Variants in TDRD10 observed in about 807,000 individuals in gnomAD.
TDRD10 encodes the protein tudor domain-containing protein 10.
A neutral mutation model predicts 48.0 loss-of-function variants in TDRD10; 40 were observed. The ratio of observed to expected loss-of-function variants is 0.83; its 90% CI spans 0.65 to 1.09. The LOEUF (loss-of-function observed/expected upper bound fraction) is 1.09, where lower values mean the gene tolerates loss of function less well. Among genes scored for constraint, TDRD10 ranks in the 50% least tolerant of loss-of-function variants. TDRD10 has a pLI of 0.00. For missense variants in TDRD10, 378 were observed against 434.7 expected (o/e 0.87, Z 1.16); for synonymous variants, 162 against 170.4 (o/e 0.95, Z 0.38).
chr1:154,519,784 G>GC (rs1294810457), intron 4 of TDRD10, among the ~76,000 whole-genome samples: 3 of 152,082 alleles, frequency 2.0e-5, no homozygotes, highest in Non-Finnish European at 4.4e-5. Context: ...ACCAACCCAA[G>GC]CCCGCGGAGC....
Position 154,511,625 on chromosome 1 carries a change from A to G in TDRD10, c.141+3144A>G, listed in dbSNP as rs903276457. Among the ~76,000 whole-genome samples the G allele has an allele frequency of 4.6e-5, 7 of 151,886 alleles. No homozygotes were observed. In the East Asian group the frequency reaches 5.8e-4, roughly 13 times the overall value. On this transcript the variant is annotated intron_variant, in intron 4 of 12. Coordinates refer to ENST00000368482, the MANE Select transcript of TDRD10 (RefSeq NM_182499.4). ...AGCACTTTGGGAGGCTGAGGTGGGC[A>G]GATCACAAGGTCAGGAGTTCGAGAC...
At chr1:154,508,009 C>T (rs11577167) in intron 3 of TDRD10, among the ~76,000 whole-genome samples, 3,012 of 152,268 alleles carry the variant, frequency 0.02, 49 homozygotes, top group Middle Eastern at 0.048. Flanking sequence ...TCGTTGAAAG[C>T]GCTGGATTCC....
intron 2 of TDRD10, 72 bp downstream of exon 2, chr1:154,506,977 C>T (rs1557811681): frequency 1.2e-6 from 2 of 1,613,762 alleles, no homozygotes; most frequent in East Asian, 2.2e-5. Context: ...CCATTCCTGT[C>T]TCACCATGCC....
At chr1:154,543,241 G>T (rs1383558233) in intron 8 of TDRD10, among the ~76,000 whole-genome samples, 1 of 151,660 alleles carries the variant, frequency 6.6e-6, no homozygotes, top group East Asian at 1.9e-4. Flanking sequence ...TGCCACTGCA[G>T]TCCAGCCTGA....
intron 6 of TDRD10, among the ~76,000 whole-genome samples, chr1:154,537,500 G>T (rs1694983443): frequency 1.3e-5 from 2 of 152,312 alleles, no homozygotes; most frequent in South Asian, 2.1e-4. Flanking sequence ...ACCAGGATGG[G>T]CCCCTCAGGT....
At chr1:154,538,550 CAAAAA>C (rs59257227) in intron 6 of TDRD10, among the ~76,000 whole-genome samples, 2 of 57,340 alleles carry the variant, frequency 3.5e-5, no homozygotes. Flanking sequence ...AACTCTATCT[CAAAAA>C]AAAAAAAAAA....
intron 11 of TDRD10, among the ~76,000 whole-genome samples, chr1:154,545,794 G>A (rs1695521860): frequency 7.1e-6 from 1 of 141,546 alleles, no homozygotes; most frequent in Non-Finnish European, 1.5e-5. Flanking sequence ...TTTTTGAGAT[G>A]GAGTCTCGTT....
At chr1:154,523,848 GC>G (rs1218746262) in intron 6 of TDRD10, among the ~76,000 whole-genome samples, 2 of 152,110 alleles carry the variant, frequency 1.3e-5, no homozygotes, top group Admixed American at 6.6e-5. Flanking sequence ...ATGGTCACAG[GC>G]TTTCCCACTC....
chr1:154,544,423 G>A lies in TDRD10; in HGVS notation c.703G>A (p.Glu235Lys), dbSNP rs1438526406. The change falls in exon 10 of 13, where the codon GAG (glutamate) becomes AAG (lysine). Residue 235 changes from glutamate (E) to lysine (K), a missense_variant. Around this residue, in one of 2 missense-constraint regions of TDRD10, gnomAD observed 310 missense variants for 323.6 expected, o/e 0.96. Coordinates refer to ENST00000368482, the MANE Select transcript of TDRD10 (RefSeq NM_182499.4). ...GTTTAGCACCCTGGCTCAGGCGGAGGAGCAGCAGCCCTACCTGGAGGGCTC... is the reference window on the plus strand; with the variant it reads ...GTTTAGCACCCTGGCTCAGGCGGAGAAGCAGCAGCCCTACCTGGAGGGCTC... ...ALFSTLAQAE[E>K]QQPYLEGSTV... The A allele has an allele frequency of 6.2e-7, 1 of 1,606,780 alleles. No homozygotes were observed. The highest frequency in any genetic ancestry group is 1.3e-5 in the African/African-American group (1 of 74,894).
intron 6 of TDRD10, among the ~76,000 whole-genome samples, chr1:154,532,489 C>T (rs1269841442): frequency 6.6e-6 from 1 of 152,202 alleles, no homozygotes; most frequent in Non-Finnish European, 1.5e-5. Flanking sequence ...AGGGAGCCAG[C>T]TCTGGCCTCG....
At chr1:154,534,380 A>G (rs2149342249) in intron 6 of TDRD10, among the ~76,000 whole-genome samples, 1 of 152,362 alleles carries the variant, frequency 6.6e-6, no homozygotes, top group East Asian at 1.9e-4. Flanking sequence ...AGGAATAGGC[A>G]CCTTTTGTAG....
intron 4 of TDRD10, among the ~76,000 whole-genome samples, chr1:154,516,776 A>G (rs1274803028): frequency 6.6e-6 from 1 of 152,144 alleles, no homozygotes; most frequent in Non-Finnish European, 1.5e-5. Context: ...ACAAAACCCC[A>G]TCTCTACGAA....
intron 4 of TDRD10, among the ~76,000 whole-genome samples, chr1:154,520,099 G>A (rs1474989971): frequency 1.3e-5 from 2 of 152,144 alleles, no homozygotes; most frequent in Admixed American, 6.5e-5. Flanking sequence ...TGTCTGCATC[G>A]CTGCTTGGCT....
At chr1:154,518,577 G>T (rs1271316681) in intron 4 of TDRD10, among the ~76,000 whole-genome samples, 1 of 152,084 alleles carries the variant, frequency 6.6e-6, no homozygotes, top group East Asian at 1.9e-4. Flanking sequence ...GCAGGTGCCC[G>T]CCACCACGCC....
intron 6 of TDRD10, among the ~76,000 whole-genome samples, chr1:154,537,688 T>C (rs1267920486): frequency 1.3e-5 from 2 of 152,180 alleles, no homozygotes; most frequent in East Asian, 3.8e-4. Context: ...AACTTCTCCC[T>C]GGTGTGTGGA....
At chr1:154,541,989 C>G (rs777763554) in intron 6 of TDRD10, 35 bp from the exon 7 acceptor site, 22 of 1,611,120 alleles carry the variant, frequency 1.4e-5, no homozygotes, top group Non-Finnish European at 1.9e-5. Flanking sequence ...CAAATGCCAC[C>G]ATGGCTGAGT....
At chr1:154,504,999 C>A (rs1447494992) in intron 1 of TDRD10, among the ~76,000 whole-genome samples, 1 of 152,144 alleles carries the variant, frequency 6.6e-6, no homozygotes, top group African/African-American at 2.4e-5. Flanking sequence ...AAACAAAAAA[C>A]AACAACAACA....
At chr1:154,544,252 C>T (rs1570989443) in intron 9 of TDRD10, 120 bp from the exon 10 acceptor site, 1 of 1,538,182 alleles carries the variant, frequency 6.5e-7, no homozygotes, top group East Asian at 2.4e-5. Context: ...GTTCTCTCTC[C>T]CACCTCATAC....
intron 1 of TDRD10, 135 bp from the exon 2 acceptor site, chr1:154,506,742 T>G (rs1693174372): frequency 4.1e-6 from 3 of 728,426 alleles, no homozygotes; most frequent in Non-Finnish European, 7.2e-6. Flanking sequence ...AATACATTCA[T>G]AGGTTCTAGG....
Sources: allele counts gnomAD v4.1 joint callset (sites outside exome capture counted in the v4.1 genomes callset), GRCh38; gene constraint gnomAD v4.1.1; regional missense constraint gnomAD v4.1.1; transcripts MANE v1.5; gene names NCBI Gene and HGNC (gene_info 2026-07-23, HGNC 2026-07-21).